ZNF831: variants seen among roughly 807,000 people sequenced by gnomAD.
ZNF831 encodes chromosome 20 open reading frame 174.
A neutral mutation model predicts 95.8 loss-of-function variants in ZNF831; 59 were observed. The ratio of observed to expected loss-of-function variants is 0.62; its 90% CI spans 0.50 to 0.77. The LOEUF (loss-of-function observed/expected upper bound fraction) is 0.77, where lower values mean the gene tolerates loss of function less well. Among genes scored for constraint, ZNF831 ranks in the 30% least tolerant of loss-of-function variants. The pLI, the probability that ZNF831 is intolerant of heterozygous loss-of-function variation, is 0.00. For missense variants in ZNF831, 2,205 were observed against 2,164.0 expected, an observed-to-expected ratio of 1.02 and a Z score of -0.38; for synonymous variants, 961 against 925.5, an observed-to-expected ratio of 1.04 and a Z score of -0.70.
rs1442293646 is a variant in ZNF831, at chr20:59,253,895, C to G, written c.4189-3C>G. Reference sequence around the variant, plus strand: ...TTTTTTTTTCCTTTGCACTTTGTTGCAGGATATTTCTCCATCTGCTGGTGA... The same window carrying G: ...TTTTTTTTTCCTTTGCACTTTGTTGGAGGATATTTCTCCATCTGCTGGTGA... On this transcript the variant is annotated splice_polypyrimidine_tract_variant and splice_region_variant and intron_variant, in intron 5 of 5. Coordinates refer to ENST00000371030, the MANE Select transcript of ZNF831 (RefSeq NM_178457.3). 1 of 788,520 alleles carries G rather than the reference C, an allele frequency of 1.3e-6. No homozygotes were observed. Among genetic ancestry groups the G allele is most frequent in the South Asian group, 2.0e-5 (1 of 50,724 alleles). 48.8% of individuals were successfully genotyped at this position (788,520 alleles called of 1,614,324 possible).
intron 4 of ZNF831, among the ~76,000 whole-genome samples, chr20:59,222,745 C>G (rs1415548600): frequency 3.3e-5 from 5 of 152,190 alleles, no homozygotes; most frequent in African/African-American, 1.2e-4. Context: ...CGGCGCAGCA[C>G]GGCCTGGAGT....
At chr20:59,232,858 T>A (rs1031128169) in intron 4 of ZNF831, among the ~76,000 whole-genome samples, 1 of 152,136 alleles carries the variant, frequency 6.6e-6, no homozygotes, top group Non-Finnish European at 1.5e-5. Flanking sequence ...CTAACAGGAA[T>A]AACAGCCCCA....
At chr20:59,234,718 T>G (rs1394302184) in intron 4 of ZNF831, among the ~76,000 whole-genome samples, 1 of 152,184 alleles carries the variant, frequency 6.6e-6, no homozygotes, top group Non-Finnish European at 1.5e-5. Context: ...GAAAGGAGTT[T>G]TCATGATCCT....
At chr20:59,218,610 A>G (rs1479174159) in intron 4 of ZNF831, among the ~76,000 whole-genome samples, 1 of 141,100 alleles carries the variant, frequency 7.1e-6, no homozygotes, top group East Asian at 2.0e-4. Flanking sequence ...TTTTTTTTAT[A>G]TATATAACTG....
chr20:59,200,939 A>C (rs1984485669), intron 3 of ZNF831, among the ~76,000 whole-genome samples: 1 of 152,226 alleles, frequency 6.6e-6, no homozygotes, highest in South Asian at 2.1e-4. Flanking sequence ...AATGACTATA[A>C]ATATTCATAT....
At chr20:59,175,269 T>G (rs952002555) in intron 1 of ZNF831, among the ~76,000 whole-genome samples, 1 of 152,158 alleles carries the variant, frequency 6.6e-6, no homozygotes, top group Non-Finnish European at 1.5e-5. Context: ...CCTGAACTTG[T>G]AGCTTTATGT....
In ZNF831 at chr20:59,192,082, C is replaced by G. The variant is rs1288071352; in HGVS notation, c.1063C>G (p.Gln355Glu). 6.2e-7 allele frequency: 1 copy of G among 1,603,050 alleles called. No individual in the cohort carries two copies. Among genetic ancestry groups the G allele is most frequent in the Non-Finnish European group, 8.5e-7 (1 of 1,177,810 alleles). Reference protein sequence around the residue: ...GYLSRSDSAEQPHAPCSPLHS... With the variant: ...GYLSRSDSAEEPHAPCSPLHS... ...CCTGTCGCGCTCCGACAGCGCGGAG[C>G]AGCCGCATGCGCCCTGCAGCCCCCT... is the stretch of plus-strand genomic sequence containing the variant. The change falls in exon 2 of 6, where the codon CAG becomes GAG. Residue 355 changes from glutamine (Q) to glutamate (E), a missense_variant. By Grantham distance (29) the Gln-to-Glu change is conservative. Coordinates refer to ENST00000371030, the MANE Select transcript of ZNF831 (RefSeq NM_178457.3). The surrounding 1 kb of genome is among the most constrained non-coding windows in gnomAD (Gnocchi z 5.2).
chr20:59,134,372 C>T (rs1332263401), intron 1 of ZNF831, among the ~76,000 whole-genome samples: 1 of 152,214 alleles, frequency 6.6e-6, no homozygotes, highest in East Asian at 1.9e-4. Flanking sequence ...TGTCACCCAG[C>T]ACCAAGGACA....
In ZNF831 at chr20:59,214,402, C is replaced by T. The variant is rs36021170; in HGVS notation, c.4027+7346C>T. 4.7e-3 allele frequency among the ~76,000 whole-genome samples: 714 copies of T among 152,268 alleles called. 4 individuals are homozygous for T. The highest frequency in any genetic ancestry group is 7.5e-3 in the Non-Finnish European group (508 of 68,032). ...TGCATGTGTGATGGGACTGTGCTGCCGTTTCATTTCTCACTTGGAATGCCT... is the reference window on the plus strand; with the variant it reads ...TGCATGTGTGATGGGACTGTGCTGCTGTTTCATTTCTCACTTGGAATGCCT... On this transcript the variant is annotated intron_variant, in intron 4 of 5. Coordinates refer to ENST00000371030, the MANE Select transcript of ZNF831 (RefSeq NM_178457.3).
rs1985763594 is a variant in ZNF831, at chr20:59,217,362, T to C, written c.4027+10306T>C. Reference sequence around the variant, plus strand: ...TCTTATTTATGAAGCCATTCTCCTATTAACGAAGAGTTTGGTCATCACCAG... The same window carrying C: ...TCTTATTTATGAAGCCATTCTCCTACTAACGAAGAGTTTGGTCATCACCAG... On this transcript the variant is annotated intron_variant, in intron 4 of 5. Coordinates refer to ENST00000371030, the MANE Select transcript of ZNF831 (RefSeq NM_178457.3). The surrounding 1 kb of genome is among the most constrained non-coding windows in gnomAD (Gnocchi z 4.4). 1.3e-5 allele frequency among the ~76,000 whole-genome samples: 2 copies of C among 152,260 alleles called. No individual in the cohort carries two copies. Among genetic ancestry groups the C allele is most frequent in the South Asian group, 2.1e-4 (1 of 4,834 alleles).
chr20:59,145,742 A>G (rs771251314), intron 1 of ZNF831, among the ~76,000 whole-genome samples: 16 of 152,344 alleles, frequency 1.1e-4, no homozygotes, highest in Non-Finnish European at 2.1e-4. Context: ...TCCTTCTCAC[A>G]TGACTGGACA....
intron 4 of ZNF831, among the ~76,000 whole-genome samples, chr20:59,219,413 G>A (rs1985929065): frequency 6.6e-6 from 1 of 152,210 alleles, no homozygotes; most frequent in Admixed American, 6.5e-5. Context: ...GGAGAGCCCA[G>A]TGTGGCAAGG....
intron 4 of ZNF831, among the ~76,000 whole-genome samples, chr20:59,228,340 G>T (rs1348902095): frequency 6.6e-6 from 1 of 152,062 alleles, no homozygotes; most frequent in Non-Finnish European, 1.5e-5. Context: ...CAGGTTGATG[G>T]GAAATTGGCT....
intron 4 of ZNF831, among the ~76,000 whole-genome samples, chr20:59,235,144 T>C (rs142381735): frequency 1.1e-3 from 163 of 152,238 alleles, no homozygotes; most frequent in African/African-American, 3.8e-3. Flanking sequence ...TCTGATATTT[T>C]CCTCATGATG....
intron 2 of ZNF831, chr20:59,147,160 T>C (rs573385720): frequency 3.9e-5 from 6 of 152,364 alleles, no homozygotes; most frequent in African/African-American, 1.4e-4. Flanking sequence ...CGTAATGTAA[T>C]GTACATGTAG....
chr20:59,138,125 T>C (rs1057021819), intron 1 of ZNF831, among the ~76,000 whole-genome samples: 1 of 152,220 alleles, frequency 6.6e-6, no homozygotes, highest in African/African-American at 2.4e-5. Flanking sequence ...TTTTGGAGCA[T>C]TTTGGAAGAC....
In ZNF831 at chr20:59,186,783, T is replaced by G. The variant is rs375755711; in HGVS notation, c.-36-4201T>G. Among the ~76,000 whole-genome samples the G allele has an allele frequency of 1.8e-4, 28 of 152,286 alleles. No individual in the cohort carries two copies. In the East Asian group the frequency reaches 2.1e-3, roughly 12 times the overall value. Reference sequence around the variant, plus strand: ...CTTAAACAATTAGAACGTCTCAGATTGTTTTGAAGCCAGGGGCTCTTGCAG... The same window carrying G: ...CTTAAACAATTAGAACGTCTCAGATGGTTTTGAAGCCAGGGGCTCTTGCAG... On this transcript the variant is annotated intron_variant, in intron 1 of 5. Coordinates refer to ENST00000371030, the MANE Select transcript of ZNF831 (RefSeq NM_178457.3).
chr20:59,174,773 A>G (rs926076194), intron 1 of ZNF831, among the ~76,000 whole-genome samples: 1 of 152,140 alleles, frequency 6.6e-6, no homozygotes, highest in Non-Finnish European at 1.5e-5. Flanking sequence ...AAACACCCCA[A>G]AACAAAAAAG....
chr20:59,201,460 A>G (rs1162162039), intron 3 of ZNF831, among the ~76,000 whole-genome samples: 1 of 152,154 alleles, frequency 6.6e-6, no homozygotes, highest in Non-Finnish European at 1.5e-5. Flanking sequence ...CATCTTTTAA[A>G]AAGCAACTGT....
Sources: gnomAD v4.1 joint callset for allele counts (sites outside exome capture counted in the v4.1 genomes callset) on GRCh38, gnomAD v4.1.1 for gene constraint, Gnocchi (gnomAD v3.1) non-coding constraint, MANE v1.5 for transcripts, NCBI Gene and HGNC (gene_info 2026-07-23, HGNC 2026-07-21) for gene names.